Variants in DCDC2 observed in about 807,000 individuals in gnomAD.
DCDC2 encodes the protein doublecortin domain containing 2.
In DCDC2, 40 loss-of-function variants were observed where a neutral mutation model predicts 50.2. The ratio of observed to expected loss-of-function variants is 0.80; its 90% confidence interval spans 0.62 to 1.04. The LOEUF is 1.04. Ranked by LOEUF, DCDC2 falls within the 50% of genes least tolerant of loss-of-function variation. The probability of loss-of-function intolerance (pLI) is 0.00; values close to 1 mark genes in which losing one functional copy is unlikely to be tolerated. For synonymous variants in DCDC2, 234 were observed against 210.6 expected (o/e 1.11, Z -0.96); for missense variants, 570 against 581.9 (o/e 0.98, Z 0.21).
rs59837095 is a variant in DCDC2, at chr6:24,173,021, A to ATAATAATAATAATAATAATAC, written c.*1708_*1709insGTATTATTATTATTATTATTA. The stretch of plus-strand genomic sequence containing the variant: ...AATAATAATAATAATAATAATAATA[A>ATAATAATAATAATAATAATAC]AGATCAATTGGTCTATTTGCCTACC... On this transcript the variant is annotated 3_prime_UTR_variant, in exon 10 of 10. Transcript: ENST00000378454. 2 of 150,556 alleles carry ATAATAATAATAATAATAATAC rather than the reference A, an allele frequency of 1.3e-5. No homozygotes were observed. The highest frequency in any genetic ancestry group is 1.5e-5 in the Non-Finnish European group (1 of 67,678). The allele number at this position is 150,556 out of a possible 1,614,324, so 9.3% of individuals were successfully genotyped here.
intron 4 of DCDC2, among the ~76,000 whole-genome samples, chr6:24,296,865 G>A (rs1268788393): frequency 1.3e-5 from 2 of 152,206 alleles, no homozygotes; most frequent in Non-Finnish European, 2.9e-5. Flanking sequence ...ACTACTGGCA[G>A]AGTGTAAACT....
At position 24,353,487 on chromosome 6, in the gene DCDC2, G is replaced by A. The variant is rs533311897; in HGVS notation, c.348+82C>T. The A allele has an allele frequency of 3.7e-6, 3 of 817,082 alleles. No homozygotes were observed. The Admixed American group carries it at 6.6e-5, about 18-fold the overall frequency. 50.6% of individuals were successfully genotyped at this position (817,082 alleles called of 1,614,324 possible). Reference sequence around the variant, plus strand: ...ATTAGAGAACTCATCAAAGTAGAATGCCGTCCAAATCTCTAAGACACACCA... The same window carrying A: ...ATTAGAGAACTCATCAAAGTAGAATACCGTCCAAATCTCTAAGACACACCA... On this transcript the variant is annotated intron_variant, in intron 2 of 9. Coordinates refer to ENST00000378454, the MANE Select transcript of DCDC2 (RefSeq NM_016356.5).
chr6:24,333,409 C>T (rs946217743), intron 2 of DCDC2, among the ~76,000 whole-genome samples: 6 of 152,202 alleles, frequency 3.9e-5, no homozygotes, highest in African/African-American at 1.4e-4. Context: ...TTGACCAGAA[C>T]TCAAAGTAAG....
intron 8 of DCDC2, among the ~76,000 whole-genome samples, chr6:24,192,568 G>A (rs1189118035): frequency 6.6e-6 from 1 of 152,120 alleles, no homozygotes. Context: ...TCAATCCTCA[G>A]AGAAGAGGGA....
intron 2 of DCDC2, among the ~76,000 whole-genome samples, chr6:24,344,972 A>G (rs949033800): frequency 3.3e-5 from 5 of 152,206 alleles, no homozygotes; most frequent in African/African-American, 1.2e-4. Context: ...AAGAATTTGC[A>G]AAAGTGTGTT....
chr6:24,204,575 C>T (rs1761667932), intron 8 of DCDC2, among the ~76,000 whole-genome samples: 1 of 151,842 alleles, frequency 6.6e-6, no homozygotes. Flanking sequence ...ACCATGGCAC[C>T]TCTGTAACAA....
intron 2 of DCDC2, among the ~76,000 whole-genome samples, chr6:24,338,645 T>A (rs889149677): frequency 6.6e-6 from 1 of 152,100 alleles, no homozygotes; most frequent in Non-Finnish European, 1.5e-5. Context: ...TTTTGGTTGG[T>A]TTTATTTATT....
At chr6:24,204,853 T>C (rs950029590) in intron 8 of DCDC2, 149 bp downstream of exon 8, 3 of 701,640 alleles carry the variant, frequency 4.3e-6, no homozygotes, top group African/African-American at 1.8e-5. Flanking sequence ...GAATGGTGTT[T>C]TGTTATGTTT....
the DCDC2 span, among the ~76,000 whole-genome samples, chr6:24,379,016 C>T: frequency 6.7e-6 from 1 of 149,850 alleles, no homozygotes; most frequent in Non-Finnish European, 1.5e-5. Context: ...AAACTGGATC[C>T]CTTCCTTACA....
In DCDC2 at chr6:24,301,794, T is replaced by TGGGG; in HGVS notation, c.474_477dup (p.Arg160ProfsTer38). 1 of 1,614,200 alleles carries TGGGG rather than the reference T, an allele frequency of 6.2e-7. No homozygotes were observed. Among genetic ancestry groups the TGGGG allele is most frequent in the Non-Finnish European group, 8.5e-7 (1 of 1,180,036 alleles). The stretch of plus-strand genomic sequence containing the variant: ...TGATCCCACTGATTCAAGGTTTTTC[T>TGGGG]GGGGATAAGGAGGCGAGAAGCTGGG... On this transcript the variant is annotated frameshift_variant, in exon 4 of 10. Transcript: ENST00000378454. LOFTEE classifies it high-confidence loss of function.
intron 2 of DCDC2, among the ~76,000 whole-genome samples, chr6:24,333,231 T>C (rs1339334723): frequency 6.6e-6 from 1 of 152,050 alleles, no homozygotes; most frequent in Admixed American, 6.5e-5. Context: ...CATTTTATTC[T>C]TCCAAGTAGT....
intron 4 of DCDC2, among the ~76,000 whole-genome samples, chr6:24,291,642 C>T (rs1257400182): frequency 3.3e-5 from 5 of 151,570 alleles, no homozygotes; most frequent in Admixed American, 1.3e-4. Context: ...CCCGCCACTA[C>T]GCCCGGCTAA....
At chr6:24,368,964 T>G in the DCDC2 span, among the ~76,000 whole-genome samples, 7 of 151,808 alleles carry the variant, frequency 4.6e-5, no homozygotes, top group African/African-American at 1.5e-4. Flanking sequence ...CGAAACCCCG[T>G]CTCTACTAAA....
chr6:24,346,279 A>C (rs900468497), intron 2 of DCDC2, among the ~76,000 whole-genome samples: 1 of 152,224 alleles, frequency 6.6e-6, no homozygotes, highest in Non-Finnish European at 1.5e-5. Flanking sequence ...TAGTACAGAA[A>C]AGAGACAGGA....
chr6:24,269,926 C>T (rs1423058525), intron 7 of DCDC2, among the ~76,000 whole-genome samples: 3 of 150,956 alleles, frequency 2.0e-5, no homozygotes, highest in Non-Finnish European at 4.4e-5. Context: ...ATGACTAACT[C>T]CGACCACCTA....
At chr6:24,198,408 G>A (rs1444037166) in intron 8 of DCDC2, among the ~76,000 whole-genome samples, 4 of 152,102 alleles carry the variant, frequency 2.6e-5, no homozygotes, top group African/African-American at 9.7e-5. Flanking sequence ...AGGGGTTGGG[G>A]AACTCACTCC....
intron 8 of DCDC2, among the ~76,000 whole-genome samples, chr6:24,198,251 A>T (rs1470198382): frequency 6.6e-6 from 1 of 152,238 alleles, no homozygotes; most frequent in African/African-American, 2.4e-5. Flanking sequence ...TGCAGCTCCC[A>T]GTGAGATCAA....
chr6:24,278,124 C>G lies in DCDC2; in HGVS notation c.847G>C (p.Val283Leu). The G allele has an allele frequency of 6.2e-7, 1 of 1,613,738 alleles. No homozygotes were observed. Among genetic ancestry groups the G allele is most frequent in the South Asian group, 1.1e-5 (1 of 91,056 alleles). ...AATTTCGTCAGTTTTTCTGAATTCA[C>G]GTCTTCTTTTTTCCCTTTCCTCTTC... The part of the protein sequence containing the change: ...PLKRKGKKED[V>L]NSEKLTKLKQ... The change falls in exon 7 of 10, where the codon GTG (valine) becomes CTG (leucine). Residue 283 changes from valine (V) to leucine (L), a missense_variant. By Grantham distance (32) the Val-to-Leu change is conservative. Coordinates refer to ENST00000378454, the MANE Select transcript of DCDC2 (RefSeq NM_016356.5).
intron 2 of DCDC2, among the ~76,000 whole-genome samples, chr6:24,349,502 A>G (rs1170515912): frequency 6.6e-6 from 1 of 152,204 alleles, no homozygotes; most frequent in Non-Finnish European, 1.5e-5. Context: ...GGCATCACAC[A>G]TGCAGAATCA....
Sources: gnomAD v4.1 joint callset for allele counts (sites outside exome capture counted in the v4.1 genomes callset) on GRCh38, gnomAD v4.1.1 for gene constraint, MANE v1.5 for transcripts, NCBI Gene and HGNC (gene_info 2026-07-23, HGNC 2026-07-21) for gene names.